MSRA: variants seen among roughly 807,000 people sequenced by gnomAD.
MSRA encodes mitochondrial peptide methionine sulfoxide reductase.
A neutral mutation model predicts 31.3 loss-of-function variants in MSRA; 54 were observed. The observed-to-expected ratio is 1.73, with a 90% CI of 1.39 to 2.17. The LOEUF (loss-of-function observed/expected upper bound fraction) is 2.17. MSRA is among the 30% of genes most tolerant of loss of function. The pLI is 0.00. For synonymous variants in MSRA, 169 were observed against 116.5 expected (o/e 1.45, Z -2.90); for missense variants, 507 against 300.9 (o/e 1.69, Z -5.07).
At chr8:10,194,305 G>T (rs1807784827) in intron 1 of MSRA, among the ~76,000 whole-genome samples, 1 of 152,162 alleles carries the variant, frequency 6.6e-6, no homozygotes, top group Admixed American at 6.5e-5. Context: ...CATGGCTCCT[G>T]CCTGTAATCC....
intron 5 of MSRA, among the ~76,000 whole-genome samples, chr8:10,373,728 G>A (rs1266214759): frequency 1.3e-5 from 2 of 152,244 alleles, no homozygotes; most frequent in Non-Finnish European, 2.9e-5. Context: ...CACGTGCCGG[G>A]GGGCTGGGGA....
intron 3 of MSRA, among the ~76,000 whole-genome samples, chr8:10,286,040 G>A (rs1799916907): frequency 6.6e-6 from 1 of 152,102 alleles, no homozygotes; most frequent in African/African-American, 2.4e-5. Flanking sequence ...GTCAGAGGGA[G>A]CTGTGGGGTT....
At chr8:10,075,179 A>T (rs1417029039) in intron 1 of MSRA, among the ~76,000 whole-genome samples, 2 of 152,200 alleles carry the variant, frequency 1.3e-5, no homozygotes, top group Non-Finnish European at 2.9e-5. Context: ...AAATTTAATG[A>T]GAGCTTATTT....
chr8:10,158,421 T>A (rs2129040814), intron 1 of MSRA, among the ~76,000 whole-genome samples: 1 of 152,362 alleles, frequency 6.6e-6, no homozygotes, highest in South Asian at 2.1e-4. Flanking sequence ...ATCTACTTTC[T>A]GTGTCTATAG....
chr8:10,151,924 TAGA>T (rs1438202571), intron 1 of MSRA, among the ~76,000 whole-genome samples: 1 of 152,240 alleles, frequency 6.6e-6, no homozygotes, highest in Non-Finnish European at 1.5e-5. Flanking sequence ...AGCACAGTTT[TAGA>T]AGGTCAGTGT....
At chr8:10,113,450 G>C (rs188094502) in intron 1 of MSRA, among the ~76,000 whole-genome samples, 2 of 151,672 alleles carry the variant, frequency 1.3e-5, no homozygotes, top group African/African-American at 4.8e-5. Context: ...GCTTTTACCT[G>C]TAATGGGAGG....
chr8:10,113,220 C>T (rs561553227), intron 1 of MSRA, among the ~76,000 whole-genome samples: 1 of 143,380 alleles, frequency 7.0e-6, no homozygotes, highest in East Asian at 2.1e-4. Context: ...TATAGGCTGC[C>T]CCTTCAGGAG....
At chr8:10,156,336 A>C (rs1284060543) in intron 1 of MSRA, among the ~76,000 whole-genome samples, 1 of 152,112 alleles carries the variant, frequency 6.6e-6, no homozygotes, top group African/African-American at 2.4e-5. Flanking sequence ...GGATAGGAGA[A>C]GGTGTTTATT....
chr8:10,297,493 C>T (rs1800609165), intron 3 of MSRA, among the ~76,000 whole-genome samples: 1 of 152,152 alleles, frequency 6.6e-6, no homozygotes, highest in African/African-American at 2.4e-5. Context: ...TCTCTGGAAG[C>T]ACAAGAAAGT....
intron 3 of MSRA, among the ~76,000 whole-genome samples, chr8:10,265,526 G>T (rs763182530): frequency 2.5e-4 from 38 of 152,192 alleles, no homozygotes; most frequent in African/African-American, 1.7e-4. Flanking sequence ...GCATTGTCAG[G>T]CAGCTAGCCC....
intron 5 of MSRA, among the ~76,000 whole-genome samples, chr8:10,386,727 A>G (rs1307539396): frequency 6.6e-6 from 1 of 152,072 alleles, no homozygotes. Flanking sequence ...CCACTGGTCT[A>G]ATTTAGCCTG....
intron 1 of MSRA, among the ~76,000 whole-genome samples, chr8:10,166,522 T>C (rs1420175236): frequency 6.6e-5 from 10 of 152,204 alleles, no homozygotes; most frequent in African/African-American, 2.4e-4. Flanking sequence ...TGTGTGTGTG[T>C]GCATATGTGT....
At chr8:10,205,569 C>G (rs986801399) in intron 1 of MSRA, among the ~76,000 whole-genome samples, 2 of 152,110 alleles carry the variant, frequency 1.3e-5, no homozygotes, top group African/African-American at 4.8e-5. Context: ...GGGCCATCGA[C>G]AGACCTTGAT....
intron 3 of MSRA, among the ~76,000 whole-genome samples, chr8:10,284,721 C>T (rs149346507): frequency 2.8e-4 from 42 of 152,112 alleles, no homozygotes; most frequent in African/African-American, 1.0e-3. Flanking sequence ...TGACTCCGCC[C>T]CTCAGTGGTG....
chr8:10,204,725 A>T (rs1259276293), intron 1 of MSRA, among the ~76,000 whole-genome samples: 1 of 152,218 alleles, frequency 6.6e-6, no homozygotes, highest in Non-Finnish European at 1.5e-5. Context: ...GTATATATGT[A>T]TTTTTAATGG....
chr8:10,315,992 G>A (rs546960099), intron 4 of MSRA, among the ~76,000 whole-genome samples: 1 of 152,314 alleles, frequency 6.6e-6, no homozygotes, highest in East Asian at 1.9e-4. Context: ...GACTATAGAA[G>A]TAATGTGTAC....
intron 5 of MSRA, among the ~76,000 whole-genome samples, chr8:10,357,635 G>C (rs2129162873): frequency 6.6e-6 from 1 of 152,242 alleles, no homozygotes; most frequent in East Asian, 1.9e-4. Context: ...TCCTGCCCCA[G>C]ACCTGGATTC....
At chr8:10,388,934 A>G (rs910958694) in intron 5 of MSRA, among the ~76,000 whole-genome samples, 1 of 152,014 alleles carries the variant, frequency 6.6e-6, no homozygotes, top group Non-Finnish European at 1.5e-5. Context: ...TGTCTCCTGG[A>G]AAGAGCTTGT....
At chr8:10,170,338 T>C (rs995203811) in intron 1 of MSRA, among the ~76,000 whole-genome samples, 1 of 152,184 alleles carries the variant, frequency 6.6e-6, no homozygotes, top group Non-Finnish European at 1.5e-5. Context: ...AGTGCTCTTA[T>C]AAGAAAGGCC....
Sources: allele counts gnomAD v4.1 joint callset (sites outside exome capture counted in the v4.1 genomes callset), GRCh38; gene constraint gnomAD v4.1.1; transcripts MANE v1.5; gene names NCBI Gene and HGNC (gene_info 2026-07-23, HGNC 2026-07-21).